AADAT: variants seen among roughly 807,000 people sequenced by gnomAD.
AADAT encodes kynurenine/alpha-aminoadipate aminotransferase, mitochondrial.
A neutral mutation model predicts 56.2 loss-of-function variants in AADAT; 25 were observed. The ratio of observed to expected loss-of-function variants is 0.44; its 90% CI spans 0.32 to 0.62. AADAT has a LOEUF of 0.62. Ranked by LOEUF, AADAT falls within the 20% of genes least tolerant of loss-of-function variation. The probability of loss-of-function intolerance (pLI) is 0.04; values close to 1 mark genes in which losing one functional copy is unlikely to be tolerated. For synonymous variants in AADAT, 173 were observed against 164.7 expected (o/e 1.05, Z -0.39); for missense variants, 387 against 510.5 (o/e 0.76, Z 2.33).
chr4:170,088,042 A>T, intron 2 of AADAT, among the ~76,000 whole-genome samples: 1 of 151,062 alleles, frequency 6.6e-6, no homozygotes, highest in Non-Finnish European at 1.5e-5. Context: ...TGTTTGTTTC[A>T]CCTGGACATC....
intron 11 of AADAT, among the ~76,000 whole-genome samples, chr4:170,062,321 A>G (rs901754060): frequency 6.6e-6 from 1 of 152,216 alleles, no homozygotes; most frequent in Non-Finnish European, 1.5e-5. Context: ...ATGGTAATAA[A>G]TACAAACAAA....
chr4:170,078,699 T>C (rs1732156486), intron 3 of AADAT, 116 bp from the exon 4 acceptor site: 4 of 606,138 alleles, frequency 6.6e-6, no homozygotes. Context: ...AATTAGCAAA[T>C]TGTTTATAAG....
chr4:170,064,196 C>T (rs535760988), intron 11 of AADAT, among the ~76,000 whole-genome samples: 107 of 152,260 alleles, frequency 7.0e-4, no homozygotes, highest in Admixed American at 1.2e-3. Context: ...TATCCTACCA[C>T]GAGTATACTT....
chr4:170,070,107 G>A (rs559816142), intron 6 of AADAT, among the ~76,000 whole-genome samples: 3 of 152,020 alleles, frequency 2.0e-5, no homozygotes, highest in African/African-American at 7.2e-5. Context: ...GTGTCCATCG[G>A]GGATGCTGCT....
Position 170,077,289 on chromosome 4 carries a change from A to C in AADAT, c.444+1220T>G, listed in dbSNP as rs56662184. Among the ~76,000 whole-genome samples, 820 of 152,298 alleles carry C rather than the reference A, an allele frequency of 5.4e-3. 6 individuals are homozygous for C. The highest frequency in any genetic ancestry group is 0.018 in the African/African-American group (760 of 41,554). ...CTGTAAATTGCTTAGGGTAGTATTA[A>C]TATCTTAACAATATTAAGTCTTCCA... is the stretch of plus-strand genomic sequence containing the variant. On this transcript the variant is annotated intron_variant, in intron 4 of 12. Coordinates refer to ENST00000337664, the MANE Select transcript of AADAT (RefSeq NM_016228.4).
intron 2 of AADAT, 52 bp from the exon 3 acceptor site, chr4:170,087,300 A>G: frequency 1.3e-6 from 2 of 1,517,416 alleles, no homozygotes; most frequent in Non-Finnish European, 1.8e-6. Context: ...TCATAGTAAC[A>G]GTAGTAGACA....
intron 3 of AADAT, among the ~76,000 whole-genome samples, chr4:170,079,872 C>T (rs1286042316): frequency 6.6e-6 from 1 of 152,276 alleles, no homozygotes; most frequent in African/African-American, 2.4e-5. Context: ...CTGGAAGTTA[C>T]TGGCATATGG....
At chr4:170,063,900 G>T (rs1731316569) in intron 11 of AADAT, among the ~76,000 whole-genome samples, 1 of 151,668 alleles carries the variant, frequency 6.6e-6, no homozygotes, top group South Asian at 2.1e-4. Context: ...AGAATTTTCA[G>T]CTTACTTGAT....
chr4:170,092,692 GTTAA>G (rs542959657), upstream of AADAT, among the ~76,000 whole-genome samples: 1 of 152,198 alleles, frequency 6.6e-6, no homozygotes, highest in Non-Finnish European at 1.5e-5. Context: ...CTTTGGACAA[GTTAA>G]TTAACCTTTC....
intron 1 of AADAT, 64 bp from the exon 2 acceptor site, chr4:170,088,628 C>A (rs1199447899): frequency 1.3e-6 from 2 of 1,497,260 alleles, no homozygotes; most frequent in Non-Finnish European, 1.8e-6. Flanking sequence ...GATAGTTAAG[C>A]ATGCATTATA....
rs146898884 is a variant in AADAT, at chr4:170,066,069, G to C, written c.1027+345C>G. ...CATCTGCCTTTGTACAGCTTAGTTA[G>C]AGAAGCATGGTTTGACAATTTTACC... is the stretch of plus-strand genomic sequence containing the variant. On this transcript the variant is annotated intron_variant, in intron 10 of 12. Transcript: ENST00000337664. 5.9e-5 allele frequency among the ~76,000 whole-genome samples: 9 copies of C among 152,242 alleles called. No homozygotes were observed. In the East Asian group the frequency reaches 9.7e-4, roughly 16 times the overall value.
chr4:170,070,394 A>C, intron 6 of AADAT, 193 bp downstream of exon 6: 2 of 457,088 alleles, frequency 4.4e-6, no homozygotes, highest in South Asian at 6.4e-5. Context: ...AATACCAAAA[A>C]AGAAAGGTAC....
chr4:170,087,056 G>A, intron 3 of AADAT, 60 bp downstream of exon 3: 2 of 1,589,576 alleles, frequency 1.3e-6, no homozygotes, highest in Non-Finnish European at 1.7e-6. Context: ...AGTGCGAGAG[G>A]ACTATAGAAA....
At chr4:170,091,147 C>T (rs1199894993), upstream of AADAT, among the ~76,000 whole-genome samples, 1 of 152,252 alleles carries the variant, frequency 6.6e-6, no homozygotes, top group Non-Finnish European at 1.5e-5. Context: ...AGGGGCCCTT[C>T]AGCCCGCCGC....
At chr4:170,063,970 A>G (rs1731320215) in intron 11 of AADAT, among the ~76,000 whole-genome samples, 1 of 152,104 alleles carries the variant, frequency 6.6e-6, no homozygotes, top group African/African-American at 2.4e-5. Flanking sequence ...AAAAAAAAAG[A>G]AACCTAGAAT....
At chr4:170,067,654 T>C (rs1219605310) in intron 8 of AADAT, among the ~76,000 whole-genome samples, 3 of 152,204 alleles carry the variant, frequency 2.0e-5, no homozygotes, top group East Asian at 1.9e-4. Context: ...GTAATCTCTA[T>C]AAATTTCTAT....
intron 6 of AADAT, among the ~76,000 whole-genome samples, chr4:170,069,928 G>A (rs545543638): frequency 3.3e-5 from 5 of 152,180 alleles, no homozygotes; most frequent in South Asian, 2.1e-4. Context: ...AGAATCAGGC[G>A]TTGGTCTTAA....
At chr4:170,085,936 C>T (rs1020829351) in intron 3 of AADAT, among the ~76,000 whole-genome samples, 6 of 151,976 alleles carry the variant, frequency 3.9e-5, no homozygotes, top group African/African-American at 1.4e-4. Flanking sequence ...AAATGGGAGT[C>T]ATAGATTAAT....
At chr4:170,064,343 A>T (rs1240714411) in intron 11 of AADAT, among the ~76,000 whole-genome samples, 1 of 152,192 alleles carries the variant, frequency 6.6e-6, no homozygotes, top group African/African-American at 2.4e-5. Flanking sequence ...CAACCCTATG[A>T]GAGAGGGATT....
Sources: gnomAD v4.1 joint callset for allele counts (sites outside exome capture counted in the v4.1 genomes callset) on GRCh38, gnomAD v4.1.1 for gene constraint, MANE v1.5 for transcripts, NCBI Gene and HGNC (gene_info 2026-07-23, HGNC 2026-07-21) for gene names.